PTPRD: variants seen among roughly 807,000 people sequenced by gnomAD.
PTPRD encodes protein tyrosine phosphatase receptor type D, also known as receptor-type tyrosine-protein phosphatase delta.
Under a neutral mutation model 214.5 loss-of-function variants are expected in PTPRD, and 34 were observed. That is an observed-to-expected ratio of 0.16 (90% CI 0.12 to 0.21). The LOEUF (loss-of-function observed/expected upper bound fraction) is 0.21, where lower values mean the gene tolerates loss of function less well. PTPRD is among the 10% of genes least tolerant of loss of function. The pLI, the probability that PTPRD is intolerant of heterozygous loss-of-function variation, is 1.00. For synonymous variants in PTPRD, 1,128 were observed against 845.7 expected, an observed-to-expected ratio of 1.33 and a Z score of -5.79; for missense variants, 2,545 against 2,398.7, an observed-to-expected ratio of 1.06 and a Z score of -1.27.
rs189152925 is a variant in PTPRD at position 10,120,583 on chromosome 9, C to T, written c.-544-86793G>A. On this transcript the variant is annotated intron_variant, in intron 3 of 45. Coordinates refer to ENST00000381196, the MANE Select transcript of PTPRD (RefSeq NM_002839.4). Reference sequence around the variant, plus strand: ...TATAAAAGTATTTGTTTATGATGTTCTTAGACACTTAGAGAAATATTAAAT... The same window carrying T: ...TATAAAAGTATTTGTTTATGATGTTTTTAGACACTTAGAGAAATATTAAAT... 2.5e-4 allele frequency among the ~76,000 whole-genome samples: 38 copies of T among 151,940 alleles called. No individual in the cohort carries two copies. The South Asian group carries it at 3.7e-3, about 15-fold the overall frequency.
chr9:8,798,591 T>C (rs2096497232), intron 11 of PTPRD, among the ~76,000 whole-genome samples: 1 of 152,222 alleles, frequency 6.6e-6, no homozygotes. Context: ...TACCATATCG[T>C]CTAAAAGCTG....
intron 3 of PTPRD, among the ~76,000 whole-genome samples, chr9:10,131,193 T>C (rs1451003965): frequency 3.3e-5 from 5 of 152,180 alleles, no homozygotes; most frequent in Non-Finnish European, 7.4e-5. Context: ...GTTTTAATTT[T>C]GGCCACCTGA....
At chr9:10,267,337 C>T (rs1003209005) in intron 3 of PTPRD, among the ~76,000 whole-genome samples, 2 of 152,116 alleles carry the variant, frequency 1.3e-5, no homozygotes, top group East Asian at 1.9e-4. Context: ...GGAACACTAG[C>T]GTCTTGACAC....
intron 2 of PTPRD, among the ~76,000 whole-genome samples, chr9:10,497,946 T>C (rs1210293319): frequency 6.6e-6 from 1 of 152,054 alleles, no homozygotes; most frequent in Admixed American, 6.6e-5. Context: ...TCTAGTCTGT[T>C]GGTTAATAGC....
chr9:8,989,271 T>C (rs1293117575), intron 11 of PTPRD, among the ~76,000 whole-genome samples: 1 of 151,988 alleles, frequency 6.6e-6, no homozygotes, highest in Non-Finnish European at 1.5e-5. Flanking sequence ...CTACTTTAAC[T>C]ATAACTTCCC....
chr9:8,730,580 T>C (rs915505158), intron 12 of PTPRD, among the ~76,000 whole-genome samples: 16 of 152,254 alleles, frequency 1.1e-4, no homozygotes, highest in African/African-American at 3.9e-4. Context: ...ACAAAGAAGA[T>C]GCTAACAGTA....
chr9:9,250,626 A>T (rs535035790), intron 9 of PTPRD, among the ~76,000 whole-genome samples: 1 of 152,188 alleles, frequency 6.6e-6, no homozygotes, highest in East Asian at 1.9e-4. Context: ...AAACTGATAA[A>T]ATGTTTTGCA....
chr9:10,386,938 G>C (rs892718928), intron 2 of PTPRD, among the ~76,000 whole-genome samples: 2 of 151,818 alleles, frequency 1.3e-5, no homozygotes, highest in Non-Finnish European at 2.9e-5. Flanking sequence ...AGATGGAAGA[G>C]GGAGGCAGGA....
chr9:8,426,918 A>G (rs1054622456), intron 35 of PTPRD, among the ~76,000 whole-genome samples: 4 of 152,136 alleles, frequency 2.6e-5, no homozygotes, highest in South Asian at 2.1e-4. Context: ...GAAGATCAGT[A>G]AGAAAAAAAG....
intron 5 of PTPRD, among the ~76,000 whole-genome samples, chr9:9,913,949 G>T (rs1026792672): frequency 6.6e-6 from 1 of 152,140 alleles, no homozygotes; most frequent in Non-Finnish European, 1.5e-5. Flanking sequence ...TCTTCATTAT[G>T]ACAAGCCGAC....
At chr9:9,979,295 A>G (rs2095464102) in intron 4 of PTPRD, among the ~76,000 whole-genome samples, 1 of 152,106 alleles carries the variant, frequency 6.6e-6, no homozygotes, top group Admixed American at 6.5e-5. Flanking sequence ...ATTTTAAAAT[A>G]AAATTTCAGG....
intron 11 of PTPRD, among the ~76,000 whole-genome samples, chr9:8,903,825 A>G (rs2098689398): frequency 6.8e-6 from 1 of 146,652 alleles, no homozygotes; most frequent in South Asian, 2.1e-4. Context: ...TGAATTGCAT[A>G]AAGTTCATGG....
intron 10 of PTPRD, among the ~76,000 whole-genome samples, chr9:9,085,756 C>G (rs562011606): frequency 3.9e-5 from 6 of 152,112 alleles, no homozygotes; most frequent in African/African-American, 1.4e-4. Context: ...TTCACATTGC[C>G]ATAAGATATA....
chr9:9,150,268 C>T (rs1460116475), intron 10 of PTPRD, among the ~76,000 whole-genome samples: 1 of 151,966 alleles, frequency 6.6e-6, no homozygotes, highest in Non-Finnish European at 1.5e-5. Context: ...CATTCTGCAT[C>T]TTCCAAAAGT....
intron 26 of PTPRD, among the ~76,000 whole-genome samples, chr9:8,495,295 T>A (rs2097238600): frequency 2.0e-5 from 3 of 152,242 alleles, no homozygotes; most frequent in African/African-American, 7.2e-5. Flanking sequence ...ACTTATGAGC[T>A]ATCTTTGACC....
At chr9:9,071,997 G>A (rs1490895068) in intron 10 of PTPRD, among the ~76,000 whole-genome samples, 1 of 152,062 alleles carries the variant, frequency 6.6e-6, no homozygotes, top group East Asian at 1.9e-4. Flanking sequence ...CCTCATCACT[G>A]CACAGTCATA....
In PTPRD at chr9:10,350,018, T is replaced by C. The variant is rs114635560; in HGVS notation, c.-599-9001A>G. Among the ~76,000 whole-genome samples, 1,040 of 152,322 alleles carry C rather than the reference T, an allele frequency of 6.8e-3. 7 individuals carry two copies. The highest frequency in any genetic ancestry group is 0.023 in the African/African-American group (975 of 41,582). On this transcript the variant is annotated intron_variant, in intron 2 of 45. Transcript: ENST00000381196. ...AAACAGCAATGCCTATCAAGGCAGCTGGATTGGTCAAATTACCTTGGAGGA... is the reference window on the plus strand; with the variant it reads ...AAACAGCAATGCCTATCAAGGCAGCCGGATTGGTCAAATTACCTTGGAGGA...
intron 7 of PTPRD, among the ~76,000 whole-genome samples, chr9:9,733,809 A>G (rs2098242939): frequency 6.6e-6 from 1 of 152,182 alleles, no homozygotes; most frequent in Non-Finnish European, 1.5e-5. Context: ...ATGTTTGATA[A>G]TCTTGTATAC....
At chr9:8,923,330 C>A (rs940514054) in intron 11 of PTPRD, among the ~76,000 whole-genome samples, 1 of 152,080 alleles carries the variant, frequency 6.6e-6, no homozygotes, top group Non-Finnish European at 1.5e-5. Flanking sequence ...GCATGAGCCA[C>A]CGCGCCTGGC....
Sources: allele counts gnomAD v4.1 joint callset (sites outside exome capture counted in the v4.1 genomes callset), GRCh38; gene constraint gnomAD v4.1.1; transcripts MANE v1.5; gene names NCBI Gene and HGNC (gene_info 2026-07-23, HGNC 2026-07-21).